CPQ: variants seen among roughly 807,000 people sequenced by gnomAD.
CPQ encodes carboxypeptidase Q, also known as Ser-Met dipeptidase.
Under a neutral mutation model 45.7 loss-of-function variants are expected in CPQ, and 37 were observed. The ratio of observed to expected loss-of-function variants is 0.81; its 90% confidence interval spans 0.62 to 1.07. The LOEUF (loss-of-function observed/expected upper bound fraction) is 1.07. CPQ is among the 50% of genes least tolerant of loss of function. CPQ has a pLI of 0.00. For synonymous variants in CPQ, 186 were observed against 205.8 expected (o/e 0.90, Z 0.82); for missense variants, 537 against 572.9 (o/e 0.94, Z 0.64).
At chr8:97,001,721 C>CTTTTTTTTT (rs61282246) in intron 5 of CPQ, among the ~76,000 whole-genome samples, 513 of 92,022 alleles carry the variant, frequency 5.6e-3, no homozygotes, top group Non-Finnish European at 6.7e-3. Context: ...TTCTTTCTTT[C>CTTTTTTTTT]TTTTTTTTTT....
chr8:96,969,561 A>C (rs1206345393), intron 5 of CPQ, among the ~76,000 whole-genome samples: 20 of 151,598 alleles, frequency 1.3e-4, no homozygotes, highest in Admixed American at 1.2e-3. Context: ...TTTCTTTCAT[A>C]AAGATAAATA....
At chr8:96,703,508 A>G (rs988431783) in intron 1 of CPQ, among the ~76,000 whole-genome samples, 1 of 152,202 alleles carries the variant, frequency 6.6e-6, no homozygotes, top group Non-Finnish European at 1.5e-5. Context: ...TAAGAAATAC[A>G]TGAATGGACC....
At chr8:96,792,958 G>T (rs1046279255) in intron 2 of CPQ, among the ~76,000 whole-genome samples, 6 of 152,012 alleles carry the variant, frequency 3.9e-5, no homozygotes, top group Non-Finnish European at 7.4e-5. Flanking sequence ...GCAAGCGAAG[G>T]GGAAAGATGG....
Position 96,879,882 on chromosome 8 carries a change from G to A in CPQ, c.726G>A (p.Met242Ile), listed in dbSNP as rs977174043. 1.2e-6 allele frequency: 2 copies of A among 1,613,992 alleles called. No individual in the cohort carries two copies. Among genetic ancestry groups the A allele is most frequent in the African/African-American group, 2.7e-5 (2 of 74,916 alleles). Reference protein sequence around the residue: ...ACITVEDAEMMSRMASHGIKI... With the variant: ...ACITVEDAEMISRMASHGIKI... ...TTACGGTGGAAGATGCAGAAATGAT[G>A]TCAAGAATGGCTTCTCATGGGATCA... The change falls in exon 4 of 8, where the codon ATG (methionine) becomes ATA (isoleucine). Residue 242 changes from methionine (M) to isoleucine (I), a missense_variant. Transcript: ENST00000220763.
chr8:97,126,467 A>G (rs1042694680), intron 7 of CPQ, among the ~76,000 whole-genome samples: 6 of 152,186 alleles, frequency 3.9e-5, no homozygotes, highest in African/African-American at 1.4e-4. Flanking sequence ...TTGGGTTTTC[A>G]TAACATTTAT....
rs114251829 is a variant in CPQ at position 96,690,372 on chromosome 8, A to T, written c.-35+44970A>T. Among the ~76,000 whole-genome samples, 1,303 of 152,230 alleles carry T rather than the reference A, an allele frequency of 8.6e-3. 13 individuals carry two copies. The highest frequency in any genetic ancestry group is 0.026 in the African/African-American group (1,071 of 41,558). On this transcript the variant is annotated intron_variant, in intron 1 of 7. Transcript: ENST00000220763. ...TAGGCTAATAACAATTGTCCTTATGATTTAATGAGTATTTTTTTTAATTTA... is the reference window on the plus strand; with the variant it reads ...TAGGCTAATAACAATTGTCCTTATGTTTTAATGAGTATTTTTTTTAATTTA...
intron 4 of CPQ, among the ~76,000 whole-genome samples, chr8:96,889,030 C>A (rs1015084128): frequency 6.6e-6 from 1 of 152,152 alleles, no homozygotes; most frequent in Non-Finnish European, 1.5e-5. Context: ...ATGTAAACAT[C>A]AGCCTTTCCT....
chr8:97,093,567 A>G (rs1811160348), intron 7 of CPQ, among the ~76,000 whole-genome samples: 1 of 152,170 alleles, frequency 6.6e-6, no homozygotes, highest in Non-Finnish European at 1.5e-5. Flanking sequence ...TTGGATAGAA[A>G]AAAGAAAGAG....
intron 5 of CPQ, among the ~76,000 whole-genome samples, chr8:97,006,873 G>T (rs1809393298): frequency 6.6e-6 from 1 of 152,126 alleles, no homozygotes; most frequent in Non-Finnish European, 1.5e-5. Flanking sequence ...TCATTCTCCT[G>T]CATGGAAGAG....
At chr8:96,934,747 C>A (rs989153700) in intron 4 of CPQ, among the ~76,000 whole-genome samples, 4 of 152,040 alleles carry the variant, frequency 2.6e-5, no homozygotes, top group African/African-American at 9.7e-5. Flanking sequence ...TTATTTCCAC[C>A]CTCCAAAGCA....
chr8:96,862,455 GATAAA>G (rs1157460054), intron 3 of CPQ, among the ~76,000 whole-genome samples: 5 of 151,806 alleles, frequency 3.3e-5, no homozygotes, highest in Admixed American at 3.3e-4. Flanking sequence ...CAATGTGTTA[GATAAA>G]ATAAAAAAAA....
At chr8:97,140,446 A>C (rs537734045) in intron 7 of CPQ, among the ~76,000 whole-genome samples, 7 of 152,044 alleles carry the variant, frequency 4.6e-5, no homozygotes, top group African/African-American at 9.6e-5. Flanking sequence ...CAGAAAATGT[A>C]GGTTTTTCAA....
chr8:96,893,440 C>T (rs1812403144), intron 4 of CPQ, among the ~76,000 whole-genome samples: 1 of 152,218 alleles, frequency 6.6e-6, no homozygotes. Context: ...AGAGCTCACA[C>T]TGTGCAGCAC....
intron 1 of CPQ, among the ~76,000 whole-genome samples, chr8:96,694,936 C>T (rs1386592243): frequency 6.6e-6 from 1 of 152,150 alleles, no homozygotes; most frequent in Admixed American, 6.6e-5. Flanking sequence ...CTGTAAATTA[C>T]TACTTTACAG....
At chr8:97,141,059 C>G (rs1812151375) in intron 7 of CPQ, among the ~76,000 whole-genome samples, 1 of 151,890 alleles carries the variant, frequency 6.6e-6, no homozygotes, top group Non-Finnish European at 1.5e-5. Flanking sequence ...GGGTAGAGAA[C>G]TTAAAAATGA....
intron 2 of CPQ, among the ~76,000 whole-genome samples, chr8:96,801,338 TG>T (rs1358501227): frequency 1.3e-5 from 2 of 152,142 alleles, no homozygotes; most frequent in African/African-American, 4.8e-5. Flanking sequence ...GATAGATATA[TG>T]GATAATTTAT....
At chr8:96,793,440 T>C (rs1810879207) in intron 2 of CPQ, among the ~76,000 whole-genome samples, 1 of 151,224 alleles carries the variant, frequency 6.6e-6, no homozygotes, top group Non-Finnish European at 1.5e-5. Flanking sequence ...GTGAGACTTA[T>C]TCACTATCAT....
intron 5 of CPQ, among the ~76,000 whole-genome samples, chr8:96,972,938 A>G (rs978109037): frequency 6.6e-6 from 1 of 152,154 alleles, no homozygotes; most frequent in African/African-American, 2.4e-5. Flanking sequence ...ATGAGAAGGA[A>G]CCAGAAAAAC....
chr8:96,901,517 G>A (rs1226732520), intron 4 of CPQ, among the ~76,000 whole-genome samples: 1 of 152,164 alleles, frequency 6.6e-6, no homozygotes, highest in East Asian at 1.9e-4. Flanking sequence ...GTAATCTCCT[G>A]TGTAATCAGA....
Sources: allele counts gnomAD v4.1 joint callset (sites outside exome capture counted in the v4.1 genomes callset), GRCh38; gene constraint gnomAD v4.1.1; transcripts MANE v1.5; gene names NCBI Gene and HGNC (gene_info 2026-07-23, HGNC 2026-07-21).